Variants in DMD observed in about 807,000 individuals in gnomAD.
DMD encodes dystrophin, also known as mutant dystrophin.
A neutral mutation model predicts 330.1 loss-of-function variants in DMD; 63 were observed. The ratio of observed to expected loss-of-function variants is 0.19; its 90% CI spans 0.16 to 0.24. DMD has a LOEUF of 0.24. Ranked by LOEUF, DMD falls within the 10% of genes least tolerant of loss-of-function variation. The pLI, the probability that DMD is intolerant of heterozygous loss-of-function variation, is 1.00. For missense variants in DMD, 3,344 were observed against 2,684.1 expected, an observed-to-expected ratio of 1.25 and a Z score of -5.43; for synonymous variants, 1,223 against 959.8, an observed-to-expected ratio of 1.27 and a Z score of -5.07.
intron 1 of DMD, among the ~76,000 whole-genome samples, chrX:33,330,118 A>G (rs1474546130): frequency 9.0e-6 from 1 of 110,894 alleles, no homozygotes; most frequent in African/African-American, 3.3e-5. Context: ...AAGAAGGGAG[A>G]GAGAAAGAGG....
chrX:32,412,682 G>A (rs1364652911), intron 29 of DMD, among the ~76,000 whole-genome samples: 1 of 111,452 alleles, frequency 9.0e-6, no homozygotes, highest in Non-Finnish European at 1.9e-5. Flanking sequence ...TAACAGAGTA[G>A]TTGTAAAAGT....
chrX:33,037,489 G>A (rs1430103298), intron 1 of DMD, among the ~76,000 whole-genome samples: 2 of 111,418 alleles, frequency 1.8e-5, no homozygotes, highest in African/African-American at 6.5e-5. Context: ...ACCCAAATTG[G>A]AATTGTCTCT....
chrX:31,430,303 C>T (rs963191475), intron 60 of DMD, among the ~76,000 whole-genome samples: 4 of 111,415 alleles, frequency 3.6e-5, no homozygotes, highest in Non-Finnish European at 5.6e-5. Context: ...GAGTATCTTT[C>T]TTCCCCACAC....
chrX:31,408,949 A>C (rs1372520130), intron 60 of DMD, among the ~76,000 whole-genome samples: 1 of 110,069 alleles, frequency 9.1e-6, no homozygotes, highest in African/African-American at 3.3e-5. Context: ...CCCAACCCCA[A>C]AACATTCCCC....
chrX:31,738,348 G>T (rs770859349), intron 51 of DMD, among the ~76,000 whole-genome samples: 71 of 111,913 alleles, frequency 6.3e-4, no homozygotes, highest in African/African-American at 2.3e-3. Flanking sequence ...GATAACCAGA[G>T]AAATGAAAAT....
In DMD at chrX:31,119,818, G is replaced by A. The variant is rs2032046626; in HGVS notation, c.*2101C>T. 9.0e-6 allele frequency: 1 copy of A among 111,405 alleles called. No individual in the cohort carries two copies. The highest frequency in any genetic ancestry group is 1.9e-5 in the Non-Finnish European group (1 of 53,013). The allele number at this position is 111,405 out of a possible 1,213,427, so 9.2% of individuals were successfully genotyped here. A position where few individuals can be genotyped will look rare whatever the true frequency, so the allele number is the denominator to read the frequency against. The stretch of plus-strand genomic sequence containing the variant: ...TGCAAGACAAAAACCAAATCTTCAT[G>A]TAATTTGGTAATTTGTTACCTTAGA... On this transcript the variant is annotated 3_prime_UTR_variant, in exon 79 of 79. Transcript: ENST00000357033.
chrX:31,706,871 G>A (rs2084236830), intron 52 of DMD, among the ~76,000 whole-genome samples: 1 of 112,152 alleles, frequency 8.9e-6, no homozygotes, highest in Non-Finnish European at 1.9e-5. Flanking sequence ...TCTGAATACA[G>A]TTTGGGTAAT....
At chrX:31,923,711 C>G (rs887747337) in intron 47 of DMD, among the ~76,000 whole-genome samples, 2 of 107,757 alleles carry the variant, frequency 1.9e-5, no homozygotes, top group African/African-American at 6.8e-5. Flanking sequence ...GATTCTCCTG[C>G]CTCAGCCTCC....
At chrX:31,350,392 T>C (rs1468531962) in intron 60 of DMD, among the ~76,000 whole-genome samples, 1 of 112,232 alleles carries the variant, frequency 8.9e-6, no homozygotes, top group Non-Finnish European at 1.9e-5. Flanking sequence ...TTCTATCATA[T>C]AATTCATTTT....
At chrX:32,338,972 C>T (rs955063329) in intron 41 of DMD, among the ~76,000 whole-genome samples, 3 of 111,900 alleles carry the variant, frequency 2.7e-5, no homozygotes, top group East Asian at 2.8e-4. Flanking sequence ...ACAAATGCTG[C>T]GTACTTAATT....
Position 31,806,961 on chromosome X carries a change from C to T in DMD, c.7309+13014G>A, listed in dbSNP as rs986034424. ...TCAAGTGAGCTCCTAAGAAGAAATC[C>T]GGTATGTGAAGCCTAAAAAGGGCGA... On this transcript the variant is annotated intron_variant, in intron 50 of 78. Transcript: ENST00000357033. 3.6e-5 allele frequency among the ~76,000 whole-genome samples: 4 copies of T among 111,418 alleles called. 1 individual carries two copies. The highest frequency in any genetic ancestry group is 7.5e-5 in the Non-Finnish European group (4 of 53,075).
intron 63 of DMD, among the ~76,000 whole-genome samples, chrX:31,227,412 A>T (rs2046721541): frequency 9.0e-6 from 1 of 111,387 alleles, no homozygotes; most frequent in Non-Finnish European, 1.9e-5. Context: ...CCTCCCTGAC[A>T]TCTTTTCAGC....
intron 42 of DMD, among the ~76,000 whole-genome samples, chrX:32,293,529 A>G (rs2097482625): frequency 8.9e-6 from 1 of 111,808 alleles, no homozygotes; most frequent in Non-Finnish European, 1.9e-5. Context: ...CGAGAGCAAC[A>G]ACAGCATGTT....
intron 53 of DMD, among the ~76,000 whole-genome samples, chrX:31,661,045 CTAGAGT>C (rs906348715): frequency 3.6e-5 from 4 of 111,828 alleles, no homozygotes; most frequent in Non-Finnish European, 7.5e-5. Flanking sequence ...AAATAGTAAG[CTAGAGT>C]TAAATGACAG....
chrX:32,509,681 A>C (rs1424700783), intron 18 of DMD, among the ~76,000 whole-genome samples: 2 of 111,689 alleles, frequency 1.8e-5, no homozygotes, highest in Non-Finnish European at 3.8e-5. Flanking sequence ...GATTGAGAGG[A>C]TTCCTTTTTC....
chrX:31,846,896 A>T (rs2093436638), intron 48 of DMD, among the ~76,000 whole-genome samples: 1 of 111,936 alleles, frequency 8.9e-6, no homozygotes, highest in African/African-American at 3.2e-5. Flanking sequence ...TAATTAATAA[A>T]ATTGTTATTG....
intron 49 of DMD, among the ~76,000 whole-genome samples, chrX:31,835,983 G>A (rs1309086566): frequency 9.0e-6 from 1 of 111,660 alleles, no homozygotes; most frequent in Non-Finnish European, 1.9e-5. Context: ...CAGGTACAGA[G>A]AATCAGGTAA....
chrX:32,464,289 C>T (rs2098393647), intron 24 of DMD, among the ~76,000 whole-genome samples: 1 of 110,857 alleles, frequency 9.0e-6, no homozygotes, highest in African/African-American at 3.3e-5. Context: ...TTACTCAACC[C>T]AGGGTTTCTC....
intron 37 of DMD, among the ~76,000 whole-genome samples, chrX:32,359,582 C>A (rs1178438443): frequency 9.0e-6 from 1 of 111,407 alleles, no homozygotes; most frequent in Non-Finnish European, 1.9e-5. Flanking sequence ...AAGGCTACCC[C>A]CTAAAACCTC....
Sources: allele counts gnomAD v4.1 joint callset (sites outside exome capture counted in the v4.1 genomes callset), GRCh38; gene constraint gnomAD v4.1.1; transcripts MANE v1.5; gene names NCBI Gene and HGNC (gene_info 2026-07-23, HGNC 2026-07-21).